The following DCP1A variants were observed in gnomAD, a reference collection of about 807,000 sequenced individuals.
The protein encoded by DCP1A is mRNA-decapping enzyme 1A.
Under a neutral mutation model 58.0 loss-of-function variants are expected in DCP1A, and 20 were observed. The ratio of observed to expected loss-of-function variants is 0.34; its 90% CI spans 0.24 to 0.50. The LOEUF (loss-of-function observed/expected upper bound fraction) is 0.50, where lower values mean the gene tolerates loss of function less well. Among genes scored for constraint, DCP1A ranks in the 20% least tolerant of loss-of-function variants. The pLI is 0.98. For missense variants in DCP1A, 613 were observed against 712.2 expected (o/e 0.86, Z 1.59); for synonymous variants, 285 against 275.1 (o/e 1.04, Z -0.36).
chr3:53,344,072 G>C (rs1331770457), intron 2 of DCP1A, among the ~76,000 whole-genome samples: 1 of 152,030 alleles, frequency 6.6e-6, no homozygotes, highest in Admixed American at 6.5e-5. Context: ...AAATTTAGAA[G>C]AGTATTTGAC....
intron 4 of DCP1A, among the ~76,000 whole-genome samples, chr3:53,315,697 A>G (rs1264493915): frequency 6.8e-6 from 1 of 147,984 alleles, no homozygotes; most frequent in Non-Finnish European, 1.5e-5. Flanking sequence ...ATTTTCCTAC[A>G]TAGTTTCTCG....
At chr3:53,323,529 A>G (rs992671805) in intron 3 of DCP1A, among the ~76,000 whole-genome samples, 1 of 152,280 alleles carries the variant, frequency 6.6e-6, no homozygotes, top group South Asian at 2.1e-4. Flanking sequence ...TCAATAAGCT[A>G]TATTAATCTG....
intron 6 of DCP1A, among the ~76,000 whole-genome samples, chr3:53,296,923 T>C (rs1160868096): frequency 6.6e-6 from 1 of 152,230 alleles, no homozygotes; most frequent in Non-Finnish European, 1.5e-5. Flanking sequence ...CTGGGTCATA[T>C]AGTAATTCCA....
intron 2 of DCP1A, among the ~76,000 whole-genome samples, chr3:53,343,674 C>T (rs1004600391): frequency 4.7e-4 from 71 of 152,248 alleles, no homozygotes; most frequent in African/African-American, 1.7e-3. Context: ...TGCAGTGGCA[C>T]GACCTCGGCT....
intron 3 of DCP1A, chr3:53,329,146 G>A (rs984045492): frequency 2.6e-5 from 10 of 389,450 alleles, no homozygotes; most frequent in Non-Finnish European, 4.1e-5. Context: ...TGCTTTAAAA[G>A]TCTGAAGATT....
intron 5 of DCP1A, among the ~76,000 whole-genome samples, chr3:53,305,228 TAAATAC>T (rs1233415030): frequency 6.6e-6 from 1 of 152,242 alleles, no homozygotes; most frequent in Non-Finnish European, 1.5e-5. Flanking sequence ...TTACATTATA[TAAATAC>T]GTGAGTGTTT....
chr3:53,315,207 C>G (rs1387400998), intron 4 of DCP1A, among the ~76,000 whole-genome samples: 2 of 152,104 alleles, frequency 1.3e-5, no homozygotes, highest in Non-Finnish European at 2.9e-5. Flanking sequence ...TTTACATAGT[C>G]TATGTGGCCA....
At chr3:53,315,062 G>C (rs981625838) in intron 4 of DCP1A, among the ~76,000 whole-genome samples, 3 of 152,090 alleles carry the variant, frequency 2.0e-5, no homozygotes, top group African/African-American at 7.2e-5. Flanking sequence ...ACGAGGCTTG[G>C]ACTCTAAGGC....
rs782732618 is a variant in DCP1A, at chr3:53,287,665, A to G, written c.1669-5T>C. ...ACTGAGGAAGCTGGAATCATTCTAGAAGAGATGGTAAAGGTTAAGGATACG... is the reference window on the plus strand; with the variant it reads ...ACTGAGGAAGCTGGAATCATTCTAGGAGAGATGGTAAAGGTTAAGGATACG... On this transcript the variant is annotated splice_region_variant and splice_polypyrimidine_tract_variant and intron_variant, in intron 9 of 9. Transcript: ENST00000610213. 1.2e-6 allele frequency: 2 copies of G among 1,603,742 alleles called. No individual in the cohort carries two copies. The highest frequency in any genetic ancestry group is 2.2e-5 in the South Asian group (2 of 90,866).
At chr3:53,318,051 C>T (rs1575608840) in intron 4 of DCP1A, among the ~76,000 whole-genome samples, 2 of 152,328 alleles carry the variant, frequency 1.3e-5, no homozygotes, top group Admixed American at 1.3e-4. Context: ...CGCCTATAAT[C>T]CCAGCACTTT....
chr3:53,322,007 T>G (rs60891705), intron 3 of DCP1A, among the ~76,000 whole-genome samples: 1,574 of 152,312 alleles, frequency 0.01, 22 homozygotes, highest in African/African-American at 0.036. Flanking sequence ...AAAAATCATT[T>G]TTATAACTAT....
intron 3 of DCP1A, among the ~76,000 whole-genome samples, chr3:53,331,774 C>G (rs1297316619): frequency 6.6e-6 from 1 of 152,154 alleles, no homozygotes; most frequent in East Asian, 1.9e-4. Context: ...GATAGGTAAG[C>G]ACATAGATAT....
At chr3:53,309,171 A>G (rs1336196825) in intron 5 of DCP1A, among the ~76,000 whole-genome samples, 1 of 151,718 alleles carries the variant, frequency 6.6e-6, no homozygotes. Context: ...AGAGATTGAG[A>G]CTATCCTGGC....
intron 8 of DCP1A, among the ~76,000 whole-genome samples, chr3:53,288,714 C>T (rs1706739607): frequency 6.6e-6 from 1 of 152,136 alleles, no homozygotes; most frequent in South Asian, 2.1e-4. Context: ...AGGGATATTA[C>T]ATACATGTGT....
intron 3 of DCP1A, among the ~76,000 whole-genome samples, chr3:53,334,719 T>G (rs1559704701): frequency 6.6e-6 from 1 of 152,198 alleles, no homozygotes; most frequent in East Asian, 1.9e-4. Flanking sequence ...GTGGAGCGTT[T>G]GGCTGTAAGA....
At chr3:53,328,252 G>C (rs1296945242) in intron 3 of DCP1A, among the ~76,000 whole-genome samples, 1 of 152,124 alleles carries the variant, frequency 6.6e-6, no homozygotes, top group Non-Finnish European at 1.5e-5. Flanking sequence ...GGTTTATTCT[G>C]CACACTCCAG....
intron 6 of DCP1A, among the ~76,000 whole-genome samples, chr3:53,293,450 T>TAAA (rs1707000119): frequency 6.6e-6 from 1 of 152,204 alleles, no homozygotes; most frequent in African/African-American, 2.4e-5. Flanking sequence ...TTTTAAGCAG[T>TAAA]ATTTCCATAG....
intron 4 of DCP1A, among the ~76,000 whole-genome samples, chr3:53,315,454 C>T (rs1165774401): frequency 2.1e-5 from 3 of 145,040 alleles, no homozygotes; most frequent in African/African-American, 7.6e-5. Context: ...AGGAGAACTG[C>T]TTGAACCCAG....
chr3:53,303,024 C>T (rs540989250), intron 6 of DCP1A, among the ~76,000 whole-genome samples: 2 of 152,256 alleles, frequency 1.3e-5, no homozygotes, highest in South Asian at 2.1e-4. Flanking sequence ...TCATGGCTCA[C>T]TGCAATCTCA....
Sources: gnomAD v4.1 joint callset for allele counts (sites outside exome capture counted in the v4.1 genomes callset) on GRCh38, gnomAD v4.1.1 for gene constraint, MANE v1.5 for transcripts, NCBI Gene and HGNC (gene_info 2026-07-23, HGNC 2026-07-21) for gene names.